The following DUSP13B variants were observed in gnomAD, a reference collection of about 807,000 sequenced individuals.
DUSP13B encodes the protein dual specificity phosphatase 13B.
the DUSP13B span, among the ~76,000 whole-genome samples, chr10:75,100,518 C>T: frequency 6.6e-6 from 1 of 152,202 alleles, no homozygotes; most frequent in African/African-American, 2.4e-5. Flanking sequence ...GAGACTTGGT[C>T]TTCGGAGGGC....
the DUSP13B span, among the ~76,000 whole-genome samples, chr10:75,102,981 C>A: frequency 8.5e-5 from 13 of 152,088 alleles, no homozygotes; most frequent in African/African-American, 3.1e-4. Context: ...GTTGTGGTGG[C>A]ACACACTTAT....
At chr10:75,103,256 G>A in the DUSP13B span, among the ~76,000 whole-genome samples, 1 of 152,232 alleles carries the variant, frequency 6.6e-6, no homozygotes, top group Non-Finnish European at 1.5e-5. Context: ...ACCCAGGTCC[G>A]GGGCCCTCAG....
chr10:75,102,991 T>C, the DUSP13B span, among the ~76,000 whole-genome samples: 1 of 152,112 alleles, frequency 6.6e-6, no homozygotes, highest in African/African-American at 2.4e-5. Context: ...CACACACTTA[T>C]AGTCCCTCCT....
chr10:75,106,369 C>G, the DUSP13B span, among the ~76,000 whole-genome samples: 1 of 152,218 alleles, frequency 6.6e-6, no homozygotes, highest in South Asian at 2.1e-4. Context: ...TTTCTGACCT[C>G]CAGCCTTACC....
the DUSP13B span, chr10:75,108,328 C>T: frequency 8.1e-5 from 118 of 1,455,270 alleles, no homozygotes; most frequent in Non-Finnish European, 1.0e-4. Flanking sequence ...AGTCCAACCC[C>T]AGCAAGCTCC....
chr10:75,099,555 C>T, the DUSP13B span: 1 of 1,230,200 alleles, frequency 8.1e-7, no homozygotes, highest in Admixed American at 4.2e-5. Context: ...ATTCCAGGTG[C>T]TGGCTGGGGC....
the DUSP13B span, chr10:75,108,935 T>A: frequency 3.3e-6 from 5 of 1,523,882 alleles, no homozygotes; most frequent in African/African-American, 5.6e-5. Context: ...TCCACCCTCC[T>A]GTGTCTGGTA....
chr10:75,105,841 C>T, the DUSP13B span: 1 of 1,550,560 alleles, frequency 6.4e-7, no homozygotes, highest in Non-Finnish European at 8.7e-7. Flanking sequence ...GCGGCTCACG[C>T]CCACCACACA....
chr10:75,109,176 C>G, the DUSP13B span: 2 of 1,554,240 alleles, frequency 1.3e-6, no homozygotes, highest in Non-Finnish European at 1.7e-6. Context: ...CCGCCCACCC[C>G]TCTGCCTCTG....
At chr10:75,098,902 A>G in the DUSP13B span, 4 of 1,131,374 alleles carry the variant, frequency 3.5e-6, no homozygotes, top group East Asian at 1.3e-4. Flanking sequence ...GTTTTAGTCC[A>G]TCCCCAAGCC....
chr10:75,095,997 A>G, the DUSP13B span, among the ~76,000 whole-genome samples: 6 of 152,216 alleles, frequency 3.9e-5, no homozygotes, highest in Admixed American at 6.5e-5. Flanking sequence ...GCTCACGCCT[A>G]TAATCCCAGC....
chr10:75,109,010 C>T, the DUSP13B span: 25 of 1,602,506 alleles, frequency 1.6e-5, no homozygotes, highest in East Asian at 5.2e-4. Context: ...ACCACTCACG[C>T]ATCTCCTATG....
chr10:75,106,248 C>G, the DUSP13B span, among the ~76,000 whole-genome samples: 1 of 151,910 alleles, frequency 6.6e-6, no homozygotes, highest in Non-Finnish European at 1.5e-5. Flanking sequence ...GGCCTCCAAA[C>G]CTTTTTAACA....
At chr10:75,107,964 G>T in the DUSP13B span, 1 of 1,591,800 alleles carries the variant, frequency 6.3e-7, no homozygotes, top group Non-Finnish European at 8.6e-7. Flanking sequence ...GAGCAAGATG[G>T]GATATGGGCT....
the DUSP13B span, among the ~76,000 whole-genome samples, chr10:75,101,373 T>G: frequency 6.6e-6 from 1 of 152,208 alleles, no homozygotes; most frequent in Non-Finnish European, 1.5e-5. Flanking sequence ...ATAATTACTC[T>G]TACCCTTTCC....
At chr10:75,107,271 G>A in the DUSP13B span, among the ~76,000 whole-genome samples, 1 of 151,850 alleles carries the variant, frequency 6.6e-6, no homozygotes, top group Non-Finnish European at 1.5e-5. Context: ...AGAGGCAGAG[G>A]TTGAACCCAG....
the DUSP13B span, chr10:75,095,880 C>G: frequency 2.3e-6 from 3 of 1,285,748 alleles, no homozygotes; most frequent in Admixed American, 5.4e-5. Flanking sequence ...TGCAAACACC[C>G]CCGCCCACCA....
chr10:75,107,598 A>T, the DUSP13B span, among the ~76,000 whole-genome samples: 1 of 148,274 alleles, frequency 6.7e-6, no homozygotes, highest in African/African-American at 2.5e-5. Context: ...GCGGGGGGGG[A>T]TGGAGTTTCG....
the DUSP13B span, chr10:75,108,223 G>C: frequency 1.3e-6 from 2 of 1,584,276 alleles, no homozygotes; most frequent in Non-Finnish European, 1.7e-6. Context: ...GGGAGGGCAG[G>C]AAGGGCACTT....
Sources: gnomAD v4.1 joint callset for allele counts (sites outside exome capture counted in the v4.1 genomes callset) on GRCh38, gnomAD v4.1.1 for gene constraint, MANE v1.5 for transcripts, NCBI Gene and HGNC (gene_info 2026-07-23, HGNC 2026-07-21) for gene names.